Variants in MAPRE3 observed in about 807,000 individuals in gnomAD.
MAPRE3 encodes microtubule-associated protein RP/EB family member 3.
Under a neutral mutation model 30.5 loss-of-function variants are expected in MAPRE3, and 2 were observed. The observed-to-expected ratio is 0.07, with a 90% CI of 0.03 to 0.21. MAPRE3 has a LOEUF of 0.21. MAPRE3 is among the 10% of genes least tolerant of loss of function. The pLI is 1.00. For synonymous variants in MAPRE3, 110 were observed against 127.7 expected, an observed-to-expected ratio of 0.86 and a Z score of 0.93; for missense variants, 204 against 351.8, an observed-to-expected ratio of 0.58 and a Z score of 3.36.
Position 27,023,490 on chromosome 2 carries a change from G to A in MAPRE3, c.267+13G>A, listed in dbSNP as rs142300114. ...GGGTGTTGACAAAGTAGGTGCCTGCGCTCTGGGGGGCCCTGAGGAGCAGTG... is the reference window on the plus strand; with the variant it reads ...GGGTGTTGACAAAGTAGGTGCCTGCACTCTGGGGGGCCCTGAGGAGCAGTG... On this transcript the variant is annotated intron_variant, in intron 3 of 6. Transcript: ENST00000233121. 5.1e-4 allele frequency: 816 copies of A among 1,613,462 alleles called. 2 individuals are homozygous for A. Among genetic ancestry groups the A allele is most frequent in the African/African-American group, 3.8e-3 (283 of 75,056 alleles).
intron 1 of MAPRE3, among the ~76,000 whole-genome samples, chr2:26,980,414 T>C (rs1263296488): frequency 1.3e-5 from 2 of 152,220 alleles, no homozygotes; most frequent in African/African-American, 4.8e-5. Context: ...ACATATAAAA[T>C]TGTAGTATGT....
At chr2:27,000,108 C>A (rs1313425370) in intron 1 of MAPRE3, among the ~76,000 whole-genome samples, 1 of 152,168 alleles carries the variant, frequency 6.6e-6, no homozygotes, top group Non-Finnish European at 1.5e-5. Context: ...ATGCTAATAA[C>A]AAATTTCCAC....
chr2:26,973,897 T>C (rs1244909277), intron 1 of MAPRE3, among the ~76,000 whole-genome samples: 1 of 152,238 alleles, frequency 6.6e-6, no homozygotes, highest in Non-Finnish European at 1.5e-5. Context: ...TGCCCTGATT[T>C]GCTTACAGAT....
intron 1 of MAPRE3, among the ~76,000 whole-genome samples, chr2:26,990,976 G>A (rs1200395683): frequency 2.0e-5 from 3 of 152,192 alleles, no homozygotes; most frequent in South Asian, 2.1e-4. Flanking sequence ...AGAGATCCAC[G>A]GCCGGGCAGT....
chr2:26,973,434 T>C (rs1665952065), intron 1 of MAPRE3, among the ~76,000 whole-genome samples: 1 of 152,176 alleles, frequency 6.6e-6, no homozygotes, highest in African/African-American at 2.4e-5. Flanking sequence ...CAACCCAGGG[T>C]CTTAATGTGG....
chr2:27,025,954 C>T lies in MAPRE3; in HGVS notation c.699C>T (p.Ile233=), dbSNP rs767668108. The stretch of plus-strand genomic sequence containing the variant: ...TCTACTTCAGCAAACTTCGTGACAT[C>T]GAGCTCATCTGCCAGGAGCATGAAA... ...RDFYFSKLRD[I]ELICQEHESE... is the part of the protein sequence containing the mutation. Residue 233 remains isoleucine (I), a synonymous_variant, in exon 6 of 7, where the codon ATC becomes ATT. Coordinates refer to ENST00000233121, the MANE Select transcript of MAPRE3 (RefSeq NM_012326.4). 3 of 1,614,188 alleles carry T rather than the reference C, an allele frequency of 1.9e-6. No homozygotes were observed. Among genetic ancestry groups the T allele is most frequent in the East Asian group, 2.2e-5 (1 of 44,874 alleles).
chr2:26,990,962 C>T (rs1322942779), intron 1 of MAPRE3, among the ~76,000 whole-genome samples: 1 of 152,178 alleles, frequency 6.6e-6, no homozygotes, highest in East Asian at 1.9e-4. Context: ...ACTTACTGAA[C>T]TTAAGAGATC....
At chr2:26,996,574 G>T (rs1479126341) in intron 1 of MAPRE3, among the ~76,000 whole-genome samples, 1 of 151,834 alleles carries the variant, frequency 6.6e-6, no homozygotes, top group African/African-American at 2.4e-5. Flanking sequence ...AGGCTGAGGC[G>T]GGCAGATCAT....
At chr2:26,974,449 T>A (rs1160517196) in intron 1 of MAPRE3, among the ~76,000 whole-genome samples, 1 of 152,242 alleles carries the variant, frequency 6.6e-6, no homozygotes, top group Non-Finnish European at 1.5e-5. Flanking sequence ...GTATTTGAAG[T>A]CTTTTCTACT....
At chr2:27,020,930 C>T (rs1667097483) in intron 1 of MAPRE3, among the ~76,000 whole-genome samples, 2 of 152,178 alleles carry the variant, frequency 1.3e-5, no homozygotes, top group East Asian at 3.8e-4. Context: ...CAGCCCTTCA[C>T]ATCCGTGGGA....
intron 1 of MAPRE3, among the ~76,000 whole-genome samples, chr2:26,974,237 T>C (rs138072746): frequency 4.7e-4 from 71 of 152,286 alleles, no homozygotes; most frequent in Non-Finnish European, 9.1e-4. Context: ...AATTTAGTAG[T>C]CCGTAATTAG....
intron 1 of MAPRE3, among the ~76,000 whole-genome samples, chr2:26,999,550 G>A (rs1185007382): frequency 7.3e-6 from 1 of 137,586 alleles, no homozygotes; most frequent in Admixed American, 8.1e-5. Flanking sequence ...CCAGGCTGGA[G>A]TGCAGTGCAG....
chr2:26,997,238 C>T (rs1253392570), intron 1 of MAPRE3, among the ~76,000 whole-genome samples: 2 of 152,174 alleles, frequency 1.3e-5, no homozygotes, highest in Non-Finnish European at 2.9e-5. Context: ...CTCAGATCAT[C>T]AGGCATTACT....
chr2:26,975,013 G>A (rs1385235652), intron 1 of MAPRE3, among the ~76,000 whole-genome samples: 1 of 152,190 alleles, frequency 6.6e-6, no homozygotes, highest in Non-Finnish European at 1.5e-5. Flanking sequence ...CCCGGCACTT[G>A]CATTATTATT....
chr2:26,982,707 T>C (rs1321919091), intron 1 of MAPRE3, among the ~76,000 whole-genome samples: 1 of 152,234 alleles, frequency 6.6e-6, no homozygotes, highest in African/African-American at 2.4e-5. Context: ...GAATGATTAT[T>C]TTACTACTGT....
In MAPRE3 at chr2:27,000,101, C is replaced by T. The variant is rs141789105; in HGVS notation, c.-7-22111C>T. ...TGACTTCACAAAAATTTTTAAGATG[C>T]TAATAACAAATTTCCACTTAAATAT... On this transcript the variant is annotated intron_variant, in intron 1 of 6. Transcript: ENST00000233121. 2.5e-3 allele frequency among the ~76,000 whole-genome samples: 379 copies of T among 152,186 alleles called. 3 individuals are homozygous for T. The highest frequency in any genetic ancestry group is 2.2e-3 in the Non-Finnish European group (149 of 68,000).
At chr2:27,012,305 G>C (rs570775586) in intron 1 of MAPRE3, 1 of 152,228 alleles carries the variant, frequency 6.6e-6, no homozygotes, top group African/African-American at 2.4e-5. Flanking sequence ...TCCTGCTCTA[G>C]AGCTGTGAAA....
At chr2:26,990,382 A>T (rs1050051549) in intron 1 of MAPRE3, among the ~76,000 whole-genome samples, 13 of 152,100 alleles carry the variant, frequency 8.5e-5, no homozygotes, top group African/African-American at 3.1e-4. Flanking sequence ...GTTTGCTTCC[A>T]CTAAGTGAAC....
At chr2:26,980,335 T>G (rs1572742774) in intron 1 of MAPRE3, among the ~76,000 whole-genome samples, 2 of 152,172 alleles carry the variant, frequency 1.3e-5, no homozygotes, top group East Asian at 3.8e-4. Flanking sequence ...GGAAAGAAAG[T>G]AGTAACCAGA....
Sources: allele counts gnomAD v4.1 joint callset (sites outside exome capture counted in the v4.1 genomes callset), GRCh38; gene constraint gnomAD v4.1.1; transcripts MANE v1.5; gene names NCBI Gene and HGNC (gene_info 2026-07-23, HGNC 2026-07-21).